The following RARB variants were observed in gnomAD, a reference collection of about 807,000 sequenced individuals.
RARB encodes retinoic acid receptor beta.
A neutral mutation model predicts 51.9 loss-of-function variants in RARB; 17 were observed. That is an observed-to-expected ratio of 0.33 (90% CI 0.22 to 0.49). The LOEUF (loss-of-function observed/expected upper bound fraction) is 0.49, where lower values mean the gene tolerates loss of function less well. Ranked by LOEUF, RARB falls within the 20% of genes least tolerant of loss-of-function variation. The pLI, the probability that RARB is intolerant of heterozygous loss-of-function variation, is 0.99. For missense variants in RARB, 369 were observed against 550.8 expected (o/e 0.67, Z 3.30); for synonymous variants, 215 against 195.4 (o/e 1.10, Z -0.84).
chr3:25,393,292 G>A (rs1408929207), intron 5 of RARB, among the ~76,000 whole-genome samples: 2 of 151,470 alleles, frequency 1.3e-5, no homozygotes. Flanking sequence ...CAGTTAGCTA[G>A]TATTTTTTTT....
At chr3:25,192,580 T>A (rs1316426766) in intron 5 of RARB, among the ~76,000 whole-genome samples, 3 of 152,102 alleles carry the variant, frequency 2.0e-5, no homozygotes, top group African/African-American at 7.2e-5. Flanking sequence ...GTTCTCTACT[T>A]GGGGCAGAAC....
At position 25,197,949 on chromosome 3, in the gene RARB, G is replaced by A. The variant is rs182830243; in HGVS notation, c.178+23374G>A. Among the ~76,000 whole-genome samples the A allele has an allele frequency of 7.9e-5, 12 of 151,982 alleles. No individual in the cohort carries two copies. In the East Asian group the frequency reaches 2.3e-3, roughly 29 times the overall value. On this transcript the variant is annotated intron_variant, in intron 5 of 11. Transcript: ENST00000383772. ...AAAAATAATCCTAAAATGTATATGG[G>A]ACCACAAAAGACCCAGAATAGCTAA...
intron 5 of RARB, among the ~76,000 whole-genome samples, chr3:25,241,670 A>G (rs750726135): frequency 9.2e-5 from 14 of 152,174 alleles, no homozygotes; most frequent in Non-Finnish European, 2.1e-4. Context: ...GCTGTATAGT[A>G]TTCCATGGTT....
At chr3:24,971,848 T>C (rs1696405307) in intron 2 of RARB, among the ~76,000 whole-genome samples, 1 of 152,022 alleles carries the variant, frequency 6.6e-6, no homozygotes, top group South Asian at 2.1e-4. Context: ...AAGCATTGGA[T>C]AGTCTCAATA....
chr3:25,593,083 C>G (rs1478849038), intron 5 of RARB, among the ~76,000 whole-genome samples: 1 of 151,864 alleles, frequency 6.6e-6, no homozygotes, highest in Admixed American at 6.6e-5. Context: ...AGGGTATGTA[C>G]AAAACTTGAT....
intron 2 of RARB, among the ~76,000 whole-genome samples, chr3:25,018,358 CAAACTGGAA>C (rs1697559743): frequency 1.3e-5 from 2 of 152,160 alleles, no homozygotes; most frequent in African/African-American, 4.8e-5. Flanking sequence ...TAATCTCTCA[CAAACTGGAA>C]TTCCAGTTGT....
intron 1 of RARB, among the ~76,000 whole-genome samples, chr3:25,442,939 A>G (rs949844243): frequency 6.6e-6 from 1 of 152,116 alleles, no homozygotes; most frequent in Non-Finnish European, 1.5e-5. Flanking sequence ...CTTTCAACTC[A>G]GCTTGAACAT....
chr3:25,401,644 T>C (rs1332702862), intron 5 of RARB, among the ~76,000 whole-genome samples: 3 of 152,238 alleles, frequency 2.0e-5, no homozygotes, highest in African/African-American at 4.8e-5. Flanking sequence ...TTAGGCTTAG[T>C]AGCAGATTGG....
At chr3:25,286,576 C>T (rs1189732838) in intron 5 of RARB, among the ~76,000 whole-genome samples, 1 of 152,310 alleles carries the variant, frequency 6.6e-6, no homozygotes, top group Admixed American at 6.5e-5. Flanking sequence ...TCAAAAATGT[C>T]AGTTGCTTCT....
At chr3:25,030,056 C>T (rs1179761707) in intron 2 of RARB, among the ~76,000 whole-genome samples, 1 of 152,174 alleles carries the variant, frequency 6.6e-6, no homozygotes, top group Non-Finnish European at 1.5e-5. Flanking sequence ...CTCATGCCAT[C>T]AAATTGAGCT....
At chr3:25,292,366 C>T (rs1703810216) in intron 5 of RARB, among the ~76,000 whole-genome samples, 1 of 152,106 alleles carries the variant, frequency 6.6e-6, no homozygotes, top group South Asian at 2.1e-4. Context: ...CAAAGTGGGG[C>T]ACACACAGCA....
chr3:24,941,830 T>C lies in RARB; in HGVS notation c.-380+83078T>C, dbSNP rs57981421. ...ATAAAGCTAAGGATACCAATATCTA[T>C]AGGAAGTAGCTTGCCCAATTTACAG... On this transcript the variant is annotated intron_variant, in intron 2 of 11. Transcript: ENST00000383772. 7.7e-3 allele frequency among the ~76,000 whole-genome samples: 1,180 copies of C among 152,312 alleles called. 21 individuals carry two copies. The highest frequency in any genetic ancestry group is 0.042 in the East Asian group (218 of 5,182).
Position 24,954,380 on chromosome 3 carries a change from G to A in RARB, c.-380+95628G>A, listed in dbSNP as rs374674573. ...TTCTATTACTTCCTCTGCAGTGCAAGCTGACAGCCTGAAAAAATCAGACTT... is the reference window on the plus strand; with the variant it reads ...TTCTATTACTTCCTCTGCAGTGCAAACTGACAGCCTGAAAAAATCAGACTT... On this transcript the variant is annotated intron_variant, in intron 2 of 11. Transcript: ENST00000383772. Among the ~76,000 whole-genome samples the A allele has an allele frequency of 3.3e-5, 5 of 152,304 alleles. No homozygotes were observed. The East Asian group carries it at 7.7e-4, about 24-fold the overall frequency.
intron 3 of RARB, among the ~76,000 whole-genome samples, chr3:25,514,964 C>CT (rs1398868990): frequency 6.6e-6 from 1 of 152,182 alleles, no homozygotes; most frequent in Non-Finnish European, 1.5e-5. Flanking sequence ...TCTCAGAAAT[C>CT]TGCAAATATG....
At chr3:25,381,359 G>C (rs1393827719) in intron 5 of RARB, among the ~76,000 whole-genome samples, 4 of 152,278 alleles carry the variant, frequency 2.6e-5, no homozygotes, top group African/African-American at 7.2e-5. Context: ...GTAGACTCTG[G>C]TGCCAGACTT....
rs180695486 is a variant in RARB, at chr3:25,361,555, G to A, written c.179-99638G>A. On this transcript the variant is annotated intron_variant, in intron 5 of 11. Coordinates refer to the RARB transcript ENST00000383772. ...AGGAGTTGTGATCCTTTGGAGGAGA[G>A]GAGGCATTCTGGTTTCTGAAATCTT... Among the ~76,000 whole-genome samples the A allele has an allele frequency of 1.1e-4, 16 of 152,280 alleles. 1 individual carries two copies. Among genetic ancestry groups the A allele is most frequent in the Admixed American group, 5.9e-4 (9 of 15,296 alleles).
intron 2 of RARB, among the ~76,000 whole-genome samples, chr3:24,877,607 A>T (rs1479305509): frequency 1.3e-5 from 2 of 152,122 alleles, no homozygotes; most frequent in African/African-American, 2.4e-5. Flanking sequence ...ATACCAGCGT[A>T]AGGGCAGGAG....
chr3:25,264,455 G>A (rs533555879), intron 5 of RARB, among the ~76,000 whole-genome samples: 1 of 152,186 alleles, frequency 6.6e-6, no homozygotes. Context: ...GTCTTTCTCT[G>A]TTTTCTGTTG....
chr3:25,408,745 TAAC>T (rs759435108), intron 5 of RARB, among the ~76,000 whole-genome samples: 13 of 152,132 alleles, frequency 8.5e-5, no homozygotes, highest in Middle Eastern at 3.4e-3. Context: ...AAAAAAATAA[TAAC>T]AACAGGGCCA....
Sources: allele counts gnomAD v4.1 joint callset (sites outside exome capture counted in the v4.1 genomes callset), GRCh38; gene constraint gnomAD v4.1.1; transcripts MANE v1.5; gene names NCBI Gene and HGNC (gene_info 2026-07-23, HGNC 2026-07-21).